Variants in SLC24A2 observed in about 807,000 individuals in gnomAD.
SLC24A2 encodes the protein sodium/potassium/calcium exchanger 2.
A neutral mutation model predicts 62.0 loss-of-function variants in SLC24A2; 36 were observed. That is an observed-to-expected ratio of 0.58 (90% confidence interval 0.44 to 0.77). SLC24A2 has a LOEUF of 0.77. Ranked by LOEUF, SLC24A2 falls within the 30% of genes least tolerant of loss-of-function variation. The probability of loss-of-function intolerance (pLI) is 0.00; values close to 1 mark genes in which losing one functional copy is unlikely to be tolerated. For synonymous variants in SLC24A2, 358 were observed against 294.0 expected (o/e 1.22, Z -2.23); for missense variants, 846 against 817.9 (o/e 1.03, Z -0.42).
the SLC24A2 span, among the ~76,000 whole-genome samples, chr9:19,908,971 C>A: frequency 6.6e-6 from 1 of 152,126 alleles, no homozygotes; most frequent in Non-Finnish European, 1.5e-5. Context: ...ACCCAGCCAT[C>A]CCATTACTAG....
At chr9:19,706,585 A>G (rs1820528348) in intron 2 of SLC24A2, among the ~76,000 whole-genome samples, 1 of 152,058 alleles carries the variant, frequency 6.6e-6, no homozygotes, top group African/African-American at 2.4e-5. Flanking sequence ...TCACCGTGTT[A>G]GCCAGGATGG....
At chr9:20,030,945 A>G in the SLC24A2 span, among the ~76,000 whole-genome samples, 1 of 152,134 alleles carries the variant, frequency 6.6e-6, no homozygotes, top group South Asian at 2.1e-4. Context: ...GGTCACTGGC[A>G]CTTCCTATTG....
At chr9:19,534,482 T>C (rs1192780080) in intron 8 of SLC24A2, among the ~76,000 whole-genome samples, 1 of 152,110 alleles carries the variant, frequency 6.6e-6, no homozygotes, top group East Asian at 1.9e-4. Context: ...ACATTAGATA[T>C]TTGTCCTAAT....
chr9:20,132,643 C>T, the SLC24A2 span, among the ~76,000 whole-genome samples: 1 of 152,032 alleles, frequency 6.6e-6, no homozygotes, highest in African/African-American at 2.4e-5. Context: ...CCTGGACTAC[C>T]CAATTCCACT....
the SLC24A2 span, among the ~76,000 whole-genome samples, chr9:20,278,378 C>T: frequency 6.6e-6 from 1 of 152,132 alleles, no homozygotes; most frequent in African/African-American, 2.4e-5. Context: ...ATCAATAAAA[C>T]TGAATGCTTT....
At chr9:19,903,195 T>C in the SLC24A2 span, among the ~76,000 whole-genome samples, 14 of 152,236 alleles carry the variant, frequency 9.2e-5, no homozygotes, top group African/African-American at 2.9e-4. Flanking sequence ...CAAACATTTA[T>C]TTCTCCCAGT....
the SLC24A2 span, among the ~76,000 whole-genome samples, chr9:20,023,559 G>GC: frequency 0.14 from 21,224 of 151,986 alleles, 1,884 homozygotes; most frequent in Admixed American, 0.31. Context: ...CATTCAGAAA[G>GC]CCCCCCCACC....
At position 19,679,477 on chromosome 9, in the gene SLC24A2, G is replaced by A. The variant is rs143300923; in HGVS notation, c.931-57178C>T. 8.9e-4 allele frequency among the ~76,000 whole-genome samples: 135 copies of A among 152,272 alleles called. 2 individuals carry two copies. Among genetic ancestry groups the A allele is most frequent in the Non-Finnish European group, 1.6e-3 (106 of 68,012 alleles). ...ACTTGATTGGGCTAAGGGATGCCCA[G>A]ATAGCTGGTAAAACATTTCTGGGTG... On this transcript the variant is annotated intron_variant, in intron 2 of 10. Coordinates refer to ENST00000341998, the MANE Select transcript of SLC24A2 (RefSeq NM_020344.4).
At chr9:19,709,327 T>C (rs1463048066) in intron 2 of SLC24A2, among the ~76,000 whole-genome samples, 5 of 152,214 alleles carry the variant, frequency 3.3e-5, no homozygotes, top group Admixed American at 2.0e-4. Context: ...CTAGTTCAAC[T>C]ATTGTGGAAG....
the SLC24A2 span, among the ~76,000 whole-genome samples, chr9:19,900,876 T>C: frequency 2.5e-4 from 38 of 152,140 alleles, no homozygotes; most frequent in Non-Finnish European, 4.7e-4. Context: ...GAGAAAGGAA[T>C]GGAAAAACAC....
At chr9:19,527,874 C>G (rs1833513651) in intron 9 of SLC24A2, among the ~76,000 whole-genome samples, 175 bp downstream of exon 9, 1 of 152,170 alleles carries the variant, frequency 6.6e-6, no homozygotes, top group Non-Finnish European at 1.5e-5. Flanking sequence ...CATGCTACAG[C>G]CAGAAGACTA....
chr9:20,187,398 C>G, the SLC24A2 span, among the ~76,000 whole-genome samples: 1 of 151,916 alleles, frequency 6.6e-6, no homozygotes, highest in Non-Finnish European at 1.5e-5. Flanking sequence ...CTTTTCCTGA[C>G]CCCCCGTTGC....
chr9:20,105,942 A>G, the SLC24A2 span, among the ~76,000 whole-genome samples: 15 of 152,194 alleles, frequency 9.9e-5, no homozygotes, highest in East Asian at 1.5e-3. Flanking sequence ...AAAATTGATA[A>G]ACCGCTGGCA....
chr9:19,531,556 T>C (rs894176516), intron 8 of SLC24A2, among the ~76,000 whole-genome samples: 9 of 152,216 alleles, frequency 5.9e-5, no homozygotes, highest in African/African-American at 2.2e-4. Flanking sequence ...ATCAGAGTGA[T>C]ATCGGCTTGG....
At chr9:20,029,072 C>T in the SLC24A2 span, among the ~76,000 whole-genome samples, 1 of 152,220 alleles carries the variant, frequency 6.6e-6, no homozygotes. Context: ...CCTCCCACTT[C>T]CCAGCAATTT....
chr9:19,704,210 A>T (rs1262146127), intron 2 of SLC24A2, among the ~76,000 whole-genome samples: 2 of 152,212 alleles, frequency 1.3e-5, no homozygotes, highest in East Asian at 3.9e-4. Flanking sequence ...ATTTCCAACA[A>T]GTTCTCCAGT....
At chr9:19,950,009 T>G in the SLC24A2 span, among the ~76,000 whole-genome samples, 24 of 152,114 alleles carry the variant, frequency 1.6e-4, no homozygotes, top group Non-Finnish European at 5.9e-5. Flanking sequence ...AATTCGCATT[T>G]AAAAAACATC....
chr9:20,125,684 G>A, the SLC24A2 span, among the ~76,000 whole-genome samples: 1 of 152,118 alleles, frequency 6.6e-6, no homozygotes, highest in African/African-American at 2.4e-5. Context: ...ATCTCTCAAA[G>A]TTTATTTGGG....
the SLC24A2 span, among the ~76,000 whole-genome samples, chr9:19,838,674 T>A: frequency 2.0e-5 from 3 of 151,958 alleles, no homozygotes; most frequent in Admixed American, 2.0e-4. Context: ...TTTTGTTATT[T>A]TCAGTGTACA....
Sources: allele counts gnomAD v4.1 joint callset (sites outside exome capture counted in the v4.1 genomes callset), GRCh38; gene constraint gnomAD v4.1.1; transcripts MANE v1.5; gene names NCBI Gene and HGNC (gene_info 2026-07-23, HGNC 2026-07-21).